Variants in NTM observed in about 807,000 individuals in gnomAD.
NTM encodes neurotrimin.
A neutral mutation model predicts 42.1 loss-of-function variants in NTM; 13 were observed. The ratio of observed to expected loss-of-function variants is 0.31; its 90% confidence interval spans 0.20 to 0.49. NTM has a LOEUF of 0.49. NTM is among the 20% of genes least tolerant of loss of function. The probability of loss-of-function intolerance (pLI) is 0.99; values close to 1 mark genes in which losing one functional copy is unlikely to be tolerated. For missense variants in NTM, 373 were observed against 452.8 expected, an observed-to-expected ratio of 0.82 and a Z score of 1.60; for synonymous variants, 187 against 179.2, an observed-to-expected ratio of 1.04 and a Z score of -0.35.
intron 1 of NTM, among the ~76,000 whole-genome samples, chr11:131,434,770 C>G (rs1463559773): frequency 6.6e-6 from 1 of 152,162 alleles, no homozygotes; most frequent in Non-Finnish European, 1.5e-5. Flanking sequence ...GTTTATTTCA[C>G]TGTGAAGAAG....
intron 4 of NTM, among the ~76,000 whole-genome samples, chr11:132,247,628 G>A (rs1747219391): frequency 6.6e-6 from 1 of 152,098 alleles, no homozygotes; most frequent in South Asian, 2.1e-4. Context: ...ATCATCAAAA[G>A]GAAGTATGGC....
chr11:132,035,575 G>T (rs551734513), intron 2 of NTM, among the ~76,000 whole-genome samples: 1 of 152,218 alleles, frequency 6.6e-6, no homozygotes, highest in South Asian at 2.1e-4. Flanking sequence ...TGTTTCAAAG[G>T]TCTGCAGATT....
At chr11:131,395,010 T>C in intron 1 of NTM, among the ~76,000 whole-genome samples, 1 of 152,178 alleles carries the variant, frequency 6.6e-6, no homozygotes, top group East Asian at 1.9e-4. Context: ...GTACGGGACC[T>C]TTCTCTGAGA....
At chr11:132,123,410 A>T (rs115310397) in intron 2 of NTM, among the ~76,000 whole-genome samples, 1,748 of 152,244 alleles carry the variant, frequency 0.011, 36 homozygotes, top group African/African-American at 0.04. Flanking sequence ...AAACACAACC[A>T]TGTCTCTGGA....
chr11:131,854,616 A>C (rs868424984), intron 1 of NTM, among the ~76,000 whole-genome samples: 1 of 152,166 alleles, frequency 6.6e-6, no homozygotes, highest in Non-Finnish European at 1.5e-5. Flanking sequence ...CTTGGAGCCC[A>C]GTGTGGGAGG....
intron 2 of NTM, among the ~76,000 whole-genome samples, chr11:131,980,339 A>G (rs577551233): frequency 1.2e-4 from 18 of 152,342 alleles, no homozygotes; most frequent in South Asian, 8.3e-4. Context: ...TTATTGCCCA[A>G]TAGAATTCAA....
intron 2 of NTM, among the ~76,000 whole-genome samples, chr11:131,920,292 A>T (rs1431610693): frequency 4.6e-5 from 7 of 152,158 alleles, no homozygotes; most frequent in Non-Finnish European, 1.0e-4. Flanking sequence ...AATGTTCTCT[A>T]ATTGTAAGTC....
intron 1 of NTM, chr11:131,796,073 G>T (rs60393090): frequency 2.0e-5 from 20 of 985,188 alleles, no homozygotes; most frequent in African/African-American, 1.6e-4. Context: ...ACAGGAAAGC[G>T]TAACTCACAC....
chr11:131,520,452 T>C (rs1591917132), intron 1 of NTM, among the ~76,000 whole-genome samples: 1 of 152,240 alleles, frequency 6.6e-6, no homozygotes, highest in South Asian at 2.1e-4. Context: ...ACCAAGAAGT[T>C]CAAAGGACTC....
At chr11:131,922,772 ACT>A (rs2057408783) in intron 2 of NTM, among the ~76,000 whole-genome samples, 1 of 152,002 alleles carries the variant, frequency 6.6e-6, no homozygotes, top group African/African-American at 2.4e-5. Context: ...GAATTACCTG[ACT>A]CTGTTCAAAA....
chr11:131,932,796 G>A (rs1206931302), intron 2 of NTM, among the ~76,000 whole-genome samples: 1 of 152,218 alleles, frequency 6.6e-6, no homozygotes, highest in Non-Finnish European at 1.5e-5. Flanking sequence ...GAGGTACAGA[G>A]GCTGGTTGGA....
In NTM at chr11:132,033,996, T is replaced by C. The variant is rs201147260; in HGVS notation, c.168-112286T>C. On this transcript the variant is annotated intron_variant, in intron 2 of 8. Coordinates refer to ENST00000683400, the MANE Select transcript of NTM (RefSeq NM_001352005.2). ...CCTTAAAGATCATCTCATCTAATTC[T>C]TTTATTTTTCATGAAGGAGACAGTG... Among the ~76,000 whole-genome samples, 4 of 152,336 alleles carry C rather than the reference T, an allele frequency of 2.6e-5. No homozygotes were observed. The East Asian group carries it at 5.8e-4, about 22-fold the overall frequency.
intron 1 of NTM, among the ~76,000 whole-genome samples, chr11:131,688,450 G>A (rs536791622): frequency 6.6e-6 from 1 of 152,370 alleles, no homozygotes; most frequent in South Asian, 2.1e-4. Flanking sequence ...GATGGCACAT[G>A]TCATTTCTCT....
At chr11:132,218,898 G>A (rs1592297813) in intron 4 of NTM, among the ~76,000 whole-genome samples, 1 of 152,184 alleles carries the variant, frequency 6.6e-6, no homozygotes, top group African/African-American at 2.4e-5. Context: ...TTTGAAGGCA[G>A]GTCCAAGGGG....
intron 1 of NTM, among the ~76,000 whole-genome samples, chr11:131,498,762 C>T (rs1955616748): frequency 1.3e-5 from 2 of 152,182 alleles, no homozygotes; most frequent in Non-Finnish European, 2.9e-5. Context: ...GAAGCCAGGC[C>T]CAAAGCTGCC....
At chr11:131,375,736 CT>C (rs1026252771) in intron 1 of NTM, among the ~76,000 whole-genome samples, 21 of 152,208 alleles carry the variant, frequency 1.4e-4, no homozygotes, top group African/African-American at 2.4e-5. Flanking sequence ...AAAAAGAGCT[CT>C]GGCTTCTGCT....
chr11:132,159,209 A>T (rs374546287), intron 3 of NTM, among the ~76,000 whole-genome samples: 17 of 152,284 alleles, frequency 1.1e-4, no homozygotes, highest in African/African-American at 3.6e-4. Flanking sequence ...CTGGACAAAC[A>T]GGGCTTTAGA....
intron 1 of NTM, among the ~76,000 whole-genome samples, chr11:131,630,183 A>G (rs1421167983): frequency 1.3e-5 from 2 of 152,168 alleles, no homozygotes; most frequent in African/African-American, 4.8e-5. Flanking sequence ...TTGAAAATCA[A>G]TGATTCTATG....
chr11:131,484,360 T>A (rs1302287469), intron 1 of NTM, among the ~76,000 whole-genome samples: 2 of 152,158 alleles, frequency 1.3e-5, no homozygotes, highest in Non-Finnish European at 2.9e-5. Flanking sequence ...GACTGGCACA[T>A]CCCCAAGAGT....
Sources: gnomAD v4.1 joint callset for allele counts (sites outside exome capture counted in the v4.1 genomes callset) on GRCh38, gnomAD v4.1.1 for gene constraint, MANE v1.5 for transcripts, NCBI Gene and HGNC (gene_info 2026-07-23, HGNC 2026-07-21) for gene names.